Variants in ARHGAP15 observed in about 807,000 individuals in gnomAD.
ARHGAP15 encodes Rho GTPase activating protein 15.
A neutral mutation model predicts 63.7 loss-of-function variants in ARHGAP15; 51 were observed. The observed-to-expected ratio is 0.80, with a 90% CI of 0.64 to 1.01. ARHGAP15 has a LOEUF of 1.01. Among genes scored for constraint, ARHGAP15 ranks in the 50% least tolerant of loss-of-function variants. ARHGAP15 has a pLI of 0.00. For synonymous variants in ARHGAP15, 191 were observed against 193.8 expected (o/e 0.99, Z 0.12); for missense variants, 560 against 564.6 (o/e 0.99, Z 0.08).
At chr2:143,251,518 A>G (rs547458676) in intron 6 of ARHGAP15, among the ~76,000 whole-genome samples, 1 of 152,140 alleles carries the variant, frequency 6.6e-6, no homozygotes, top group Non-Finnish European at 1.5e-5. Flanking sequence ...GAGGGGAAGA[A>G]GCTGGTTTCC....
At chr2:143,444,734 A>C (rs555900172) in intron 8 of ARHGAP15, among the ~76,000 whole-genome samples, 82 of 152,290 alleles carry the variant, frequency 5.4e-4, no homozygotes, top group African/African-American at 1.9e-3. Flanking sequence ...TTGTAAAATA[A>C]GTTTCTTATT....
chr2:143,297,583 TTC>T (rs1217424038), intron 6 of ARHGAP15, among the ~76,000 whole-genome samples: 1 of 152,140 alleles, frequency 6.6e-6, no homozygotes, highest in African/African-American at 2.4e-5. Context: ...ACTGGTGATC[TTC>T]TCTCTTACAG....
At chr2:143,492,380 C>G (rs1337525927) in intron 9 of ARHGAP15, among the ~76,000 whole-genome samples, 2 of 152,182 alleles carry the variant, frequency 1.3e-5, no homozygotes, top group African/African-American at 2.4e-5. Context: ...TCTGCCTCTT[C>G]TCTTCTACTT....
intron 1 of ARHGAP15, among the ~76,000 whole-genome samples, chr2:143,133,340 T>C (rs757209190): frequency 6.6e-6 from 1 of 152,162 alleles, no homozygotes; most frequent in Non-Finnish European, 1.5e-5. Flanking sequence ...GCCAGAAAGA[T>C]AGTGTGAGAT....
At chr2:143,645,573 G>T (rs925849452) in intron 12 of ARHGAP15, among the ~76,000 whole-genome samples, 1 of 151,942 alleles carries the variant, frequency 6.6e-6, no homozygotes, top group East Asian at 1.9e-4. Context: ...AGAATTATAA[G>T]GAAACTGAAA....
chr2:143,619,623 A>T (rs1415292781), intron 11 of ARHGAP15, among the ~76,000 whole-genome samples: 1 of 152,160 alleles, frequency 6.6e-6, no homozygotes, highest in Non-Finnish European at 1.5e-5. Flanking sequence ...CCCAGATGTC[A>T]TGTTGAATTG....
intron 12 of ARHGAP15, among the ~76,000 whole-genome samples, chr2:143,625,127 A>G (rs1698786403): frequency 6.6e-6 from 1 of 152,166 alleles, no homozygotes; most frequent in Admixed American, 6.5e-5. Context: ...AAGGAAGAAA[A>G]AGAAAGAAGA....
At chr2:143,158,553 C>G (rs1186897864) in intron 2 of ARHGAP15, among the ~76,000 whole-genome samples, 2 of 151,836 alleles carry the variant, frequency 1.3e-5, no homozygotes, top group Non-Finnish European at 2.9e-5. Context: ...AAAATCAATG[C>G]CTTTTCAAAA....
At chr2:143,297,301 A>T (rs1342364338) in intron 6 of ARHGAP15, among the ~76,000 whole-genome samples, 1 of 151,964 alleles carries the variant, frequency 6.6e-6, no homozygotes. Context: ...AGAGATCACA[A>T]GTTTGCACAC....
chr2:143,671,016 A>G (rs1392637835), intron 12 of ARHGAP15, among the ~76,000 whole-genome samples: 1 of 152,162 alleles, frequency 6.6e-6, no homozygotes, highest in Non-Finnish European at 1.5e-5. Flanking sequence ...TCCTTTCTAT[A>G]GTTATATTTT....
At chr2:143,398,187 G>A (rs1687852891) in intron 6 of ARHGAP15, among the ~76,000 whole-genome samples, 1 of 152,086 alleles carries the variant, frequency 6.6e-6, no homozygotes, top group Non-Finnish European at 1.5e-5. Flanking sequence ...GCTGGGGAAG[G>A]CAATTCTGTT....
intron 6 of ARHGAP15, among the ~76,000 whole-genome samples, chr2:143,356,667 CCT>C (rs1435036568): frequency 3.9e-5 from 6 of 151,978 alleles, no homozygotes; most frequent in Non-Finnish European, 8.8e-5. Flanking sequence ...TTTAATATAC[CCT>C]CTCTGTTTTA....
chr2:143,630,568 T>TAG (rs1699025773), intron 12 of ARHGAP15, among the ~76,000 whole-genome samples: 1 of 152,116 alleles, frequency 6.6e-6, no homozygotes, highest in African/African-American at 2.4e-5. Context: ...TATCTCTACT[T>TAG]TTGATTTATC....
At chr2:143,418,302 C>CGTAG in intron 6 of ARHGAP15, among the ~76,000 whole-genome samples, 1 of 152,172 alleles carries the variant, frequency 6.6e-6, no homozygotes, top group African/African-American at 2.4e-5. Context: ...TGTAGTTTCT[C>CGTAG]TTTTGCTGAG....
intron 6 of ARHGAP15, among the ~76,000 whole-genome samples, chr2:143,412,952 A>G (rs1688504161): frequency 1.3e-5 from 2 of 151,984 alleles, no homozygotes; most frequent in African/African-American, 2.4e-5. Flanking sequence ...AATTTCAACT[A>G]TTTTCAGGTC....
intron 2 of ARHGAP15, among the ~76,000 whole-genome samples, chr2:143,166,001 A>AGAAAGAAAGAAAGAAGGAAGGAAGGAAG (rs70982847): frequency 9.4e-4 from 95 of 101,072 alleles, no homozygotes; most frequent in African/African-American, 4.1e-3. Context: ...AAAGAAAGAA[A>AGAAAGAAAGAAAGAAGGAAGGAAGGAAG]GAAGGAAGGA....
At chr2:143,405,469 A>T (rs1688161785) in intron 6 of ARHGAP15, among the ~76,000 whole-genome samples, 1 of 151,986 alleles carries the variant, frequency 6.6e-6, no homozygotes, top group South Asian at 2.1e-4. Context: ...AACATAAAAA[A>T]TTTGTGCTCC....
intron 13 of ARHGAP15, among the ~76,000 whole-genome samples, chr2:143,757,601 G>T (rs1686625814): frequency 6.6e-6 from 1 of 151,950 alleles, no homozygotes; most frequent in African/African-American, 2.4e-5. Flanking sequence ...CTGACTGCAG[G>T]CAATCTGCAC....
At chr2:143,703,362 C>T in intron 12 of ARHGAP15, 57 bp from the exon 13 acceptor site, 1 of 1,449,616 alleles carries the variant, frequency 6.9e-7, no homozygotes, top group Non-Finnish European at 9.4e-7. Flanking sequence ...TTCTCATGTA[C>T]CTGTACCTAT....
Sources: gnomAD v4.1 joint callset for allele counts (sites outside exome capture counted in the v4.1 genomes callset) on GRCh38, gnomAD v4.1.1 for gene constraint, MANE v1.5 for transcripts, NCBI Gene and HGNC (gene_info 2026-07-23, HGNC 2026-07-21) for gene names.